The following PRKACB variants were observed in gnomAD, a reference collection of about 807,000 sequenced individuals.
PRKACB encodes cAMP-dependent protein kinase catalytic subunit beta.
PRKACB carries 16 observed loss-of-function variants against 51.4 expected under a neutral mutation model. The observed-to-expected ratio is 0.31, with a 90% CI of 0.21 to 0.47. The LOEUF is 0.47. Among genes scored for constraint, PRKACB ranks in the 20% least tolerant of loss-of-function variants. PRKACB has a pLI of 1.00. For missense variants in PRKACB, 309 were observed against 464.5 expected (o/e 0.67, Z 3.08); for synonymous variants, 147 against 154.4 (o/e 0.95, Z 0.35).
chr1:84,216,511 A>G (rs993356505), intron 9 of PRKACB, among the ~76,000 whole-genome samples: 15 of 152,176 alleles, frequency 9.9e-5, no homozygotes, highest in African/African-American at 3.6e-4. Flanking sequence ...TGTCAGCATT[A>G]TTATCGCAAA....
chr1:84,092,190 C>G (rs1407571689), intron 1 of PRKACB, among the ~76,000 whole-genome samples: 1 of 152,020 alleles, frequency 6.6e-6, no homozygotes, highest in Non-Finnish European at 1.5e-5. Context: ...TCACCCATAC[C>G]AAGAAATAGA....
intron 9 of PRKACB, among the ~76,000 whole-genome samples, chr1:84,229,166 G>A (rs1675159777): frequency 6.8e-6 from 1 of 147,052 alleles, no homozygotes; most frequent in Non-Finnish European, 1.5e-5. Context: ...CCACCTATGA[G>A]TGAGAATATG....
chr1:84,168,668 CA>C (rs1413615158), intron 1 of PRKACB, among the ~76,000 whole-genome samples: 1 of 151,552 alleles, frequency 6.6e-6, no homozygotes, highest in Non-Finnish European at 1.5e-5. Context: ...GATCAGACTC[CA>C]AAGTCTAATT....
intron 1 of PRKACB, among the ~76,000 whole-genome samples, chr1:84,151,203 C>A (rs957399644): frequency 6.6e-6 from 1 of 152,124 alleles, no homozygotes; most frequent in African/African-American, 2.4e-5. Context: ...TTTGGTTTCC[C>A]AGTGCATTTA....
intron 9 of PRKACB, among the ~76,000 whole-genome samples, chr1:84,228,854 T>C (rs187033996): frequency 6.6e-6 from 1 of 152,076 alleles, no homozygotes; most frequent in Admixed American, 6.5e-5. Context: ...AACAAGGAAC[T>C]AAAAATTAAG....
intron 1 of PRKACB, among the ~76,000 whole-genome samples, chr1:84,130,611 T>G (rs1652090573): frequency 6.6e-6 from 1 of 152,120 alleles, no homozygotes; most frequent in African/African-American, 2.4e-5. Context: ...CTAAAAAAAT[T>G]GAATATGTAA....
chr1:84,106,067 C>A (rs1649720899), intron 1 of PRKACB, among the ~76,000 whole-genome samples: 1 of 151,980 alleles, frequency 6.6e-6, no homozygotes, highest in African/African-American at 2.4e-5. Context: ...TTAAAGTATA[C>A]AGGAAGATGT....
chr1:84,095,544 T>G (rs889641044), intron 1 of PRKACB, among the ~76,000 whole-genome samples: 4 of 151,948 alleles, frequency 2.6e-5, no homozygotes, highest in Admixed American at 1.3e-4. Flanking sequence ...GTATATCTTT[T>G]TTTTTCTTTG....
intron 9 of PRKACB, among the ~76,000 whole-genome samples, chr1:84,233,030 A>G (rs185193173): frequency 2.6e-4 from 39 of 151,660 alleles, no homozygotes; most frequent in Non-Finnish European, 3.2e-4. Flanking sequence ...ACATTTTGGC[A>G]TGATTTTGCA....
chr1:84,155,440 A>G (rs1008459623), intron 1 of PRKACB, among the ~76,000 whole-genome samples: 5 of 152,206 alleles, frequency 3.3e-5, no homozygotes, highest in Non-Finnish European at 7.3e-5. Context: ...TGCTTCTAGT[A>G]TCCAAAGCGA....
rs1652363071 is a variant in PRKACB at position 84,132,680 on chromosome 1, C to CTTCT, written c.47-46496_47-46495insTCTT. Among the ~76,000 whole-genome samples, 6 of 152,004 alleles carry CTTCT rather than the reference C, an allele frequency of 3.9e-5. No homozygotes were observed. The South Asian group carries it at 1.3e-3, about 32-fold the overall frequency. On this transcript the variant is annotated intron_variant, in intron 1 of 8. Transcript: ENST00000370688. ...AGGAGATACATAAAGCAGAGAGACA[C>CTTCT]TAAGAAAAGATCAAAAGGAAATGCT... is the stretch of plus-strand genomic sequence containing the variant.
intron 1 of PRKACB, among the ~76,000 whole-genome samples, chr1:84,166,824 C>T (rs548297967): frequency 1.1e-4 from 17 of 151,702 alleles, no homozygotes; most frequent in African/African-American, 3.6e-4. Context: ...CTCTGAGAAT[C>T]TATCTTTTGG....
chr1:84,185,430 A>G (rs1664804682), intron 5 of PRKACB, among the ~76,000 whole-genome samples: 1 of 151,838 alleles, frequency 6.6e-6, no homozygotes. Context: ...GTGAGGGTCC[A>G]CTACTTGAAG....
chr1:84,124,826 T>G (rs1001813633), intron 1 of PRKACB, among the ~76,000 whole-genome samples: 27 of 152,306 alleles, frequency 1.8e-4, no homozygotes, highest in Middle Eastern at 6.8e-3. Flanking sequence ...TAGTCTTGGC[T>G]AGGGCGTTAG....
Position 84,185,249 on chromosome 1 carries a change from G to C in PRKACB, c.560+67G>C, listed in dbSNP as rs1477566588. 6 of 1,187,454 alleles carry C rather than the reference G, an allele frequency of 5.1e-6. No homozygotes were observed. In the African/African-American group the frequency reaches 9.8e-5, roughly 19 times the overall value. 73.6% of individuals were successfully genotyped at this position (1,187,454 alleles called of 1,614,324 possible). A position where few individuals can be genotyped will look rare whatever the true frequency, so the allele number is the denominator to read the frequency against. The stretch of plus-strand genomic sequence containing the variant: ...TGTTGTTTAACCAGATTTTTAAGTT[G>C]ATGCCAATGCCAAAAACTTATTTTG... On this transcript the variant is annotated intron_variant, in intron 5 of 9. Coordinates refer to ENST00000370685, the MANE Select transcript of PRKACB (RefSeq NM_182948.4).
chr1:84,109,417 G>C lies in PRKACB; in HGVS notation c.46+31046G>C, dbSNP rs551614993. Among the ~76,000 whole-genome samples the C allele has an allele frequency of 3.9e-5, 6 of 151,972 alleles. No homozygotes were observed. The South Asian group carries it at 1.0e-3, about 26-fold the overall frequency. ...CTTTCACTTTTGCTTTAGCCATTCT[G>C]ATGAATGTTAGAGTAGCATTTTTAT... On this transcript the variant is annotated intron_variant, in intron 1 of 8. Transcript: ENST00000370688.
At position 84,171,454 on chromosome 1, in the gene PRKACB, G is replaced by A. The variant is rs1659442762; in HGVS notation, c.188-7723G>A. ...AGAACTTAACAAAATTAGGACTGGA[G>A]AGTTTTACATACAAGTTTTAGGAAA... On this transcript the variant is annotated intron_variant, in intron 1 of 9. Transcript: ENST00000370685. Among the ~76,000 whole-genome samples, 3 of 151,578 alleles carry A rather than the reference G, an allele frequency of 2.0e-5. No individual in the cohort carries two copies. The South Asian group carries it at 6.2e-4, about 31-fold the overall frequency.
At position 84,147,049 on chromosome 1, in the gene PRKACB, C is replaced by A. The variant is rs139799659; in HGVS notation, c.187+2501C>A. On this transcript the variant is annotated intron_variant, in intron 1 of 9. Coordinates refer to ENST00000370685, the MANE Select transcript of PRKACB (RefSeq NM_182948.4). Reference sequence around the variant, plus strand: ...TTTCTAGCAAATTTATTATAGTTAGCTTTTTAATCTTCCTTTGATCATAAA... The same window carrying A: ...TTTCTAGCAAATTTATTATAGTTAGATTTTTAATCTTCCTTTGATCATAAA... Among the ~76,000 whole-genome samples the A allele has an allele frequency of 1.2e-3, 183 of 152,034 alleles. 6 individuals are homozygous for A. Among genetic ancestry groups the A allele is most frequent in the Middle Eastern group, 0.01 (3 of 294 alleles).
chr1:84,230,473 T>G (rs1675438456), intron 9 of PRKACB, among the ~76,000 whole-genome samples: 1 of 152,136 alleles, frequency 6.6e-6, no homozygotes. Context: ...GTGAAGAAAG[T>G]CATTGGTAGC....
Sources: gnomAD v4.1 joint callset for allele counts (sites outside exome capture counted in the v4.1 genomes callset) on GRCh38, gnomAD v4.1.1 for gene constraint, MANE v1.5 for transcripts, NCBI Gene and HGNC (gene_info 2026-07-23, HGNC 2026-07-21) for gene names.